IQCM: variants seen among roughly 807,000 people sequenced by gnomAD.
The protein encoded by IQCM is IQ motif containing M.
A neutral mutation model predicts 57.6 loss-of-function variants in IQCM; 45 were observed. The ratio of observed to expected loss-of-function variants is 0.78; its 90% confidence interval spans 0.62 to 1.00. IQCM has a LOEUF of 1.00. IQCM is among the 50% of genes least tolerant of loss of function. The probability of loss-of-function intolerance (pLI) is 0.00; values close to 1 mark genes in which losing one functional copy is unlikely to be tolerated. For missense variants in IQCM, 468 were observed against 511.6 expected (o/e 0.91, Z 0.82); for synonymous variants, 148 against 158.9 (o/e 0.93, Z 0.51).
Position 149,476,695 on chromosome 4 carries a change from A to G in IQCM, c.1229-43138T>C, listed in dbSNP as rs181242575. On this transcript the variant is annotated intron_variant, in intron 12 of 13. Transcript: ENST00000636793. ...CTGGATCCCATATATCTATCAGACT[A>G]GATTTAGTCTAAGCTCTAGGGGAAA... 2.6e-5 allele frequency among the ~76,000 whole-genome samples: 4 copies of G among 152,290 alleles called. No individual in the cohort carries two copies. In the East Asian group the frequency reaches 7.7e-4, roughly 29 times the overall value.
intron 12 of IQCM, among the ~76,000 whole-genome samples, chr4:149,457,819 A>C (rs1737857273): frequency 1.3e-5 from 2 of 152,216 alleles, no homozygotes; most frequent in African/African-American, 4.8e-5. Context: ...TTTTGGTAAT[A>C]AAGAAAAATA....
intron 13 of IQCM, among the ~76,000 whole-genome samples, chr4:149,421,395 A>C (rs900408593): frequency 2.0e-5 from 3 of 152,190 alleles, no homozygotes; most frequent in Middle Eastern, 3.4e-3. Flanking sequence ...TGAATGTATA[A>C]AAACAGATAT....
intron 13 of IQCM, among the ~76,000 whole-genome samples, chr4:149,393,512 G>T (rs906975010): frequency 6.6e-6 from 1 of 151,702 alleles, no homozygotes; most frequent in Non-Finnish European, 1.5e-5. Flanking sequence ...GAATTTTTAA[G>T]AACATAAAGA....
intron 13 of IQCM, among the ~76,000 whole-genome samples, chr4:149,423,229 G>A (rs187719645): frequency 5.3e-5 from 8 of 152,094 alleles, no homozygotes; most frequent in African/African-American, 1.4e-4. Flanking sequence ...ACTGGTGGAA[G>A]GGGAAGCAGG....
chr4:149,578,988 G>C (rs961555522), intron 9 of IQCM, among the ~76,000 whole-genome samples: 2 of 151,764 alleles, frequency 1.3e-5, no homozygotes, highest in Non-Finnish European at 2.9e-5. Flanking sequence ...CCATGAAAAA[G>C]CAATTGCATA....
intron 12 of IQCM, among the ~76,000 whole-genome samples, chr4:149,489,286 C>A (rs1741843078): frequency 6.6e-6 from 1 of 152,070 alleles, no homozygotes; most frequent in Non-Finnish European, 1.5e-5. Flanking sequence ...GTCTTCTCAG[C>A]AAGTACATTA....
intron 2 of IQCM, among the ~76,000 whole-genome samples, chr4:149,802,040 A>T (rs1561290283): frequency 6.6e-6 from 1 of 151,880 alleles, no homozygotes; most frequent in Admixed American, 6.6e-5. Context: ...GCCACAAAAA[A>T]TTAAAAGAAT....
At chr4:149,806,759 T>C (rs1324385821) in intron 2 of IQCM, among the ~76,000 whole-genome samples, 1 of 151,922 alleles carries the variant, frequency 6.6e-6, no homozygotes, top group African/African-American at 2.4e-5. Context: ...AACAAGCTTG[T>C]AAACAGAAAA....
chr4:149,727,664 T>C (rs1503751), intron 5 of IQCM, among the ~76,000 whole-genome samples: 34,400 of 151,934 alleles, frequency 0.23, 3,988 homozygotes, highest in East Asian at 0.29. Context: ...GAAACATTTA[T>C]CCACTGGCTC....
At chr4:149,813,296 G>A (rs1345900465) in intron 2 of IQCM, among the ~76,000 whole-genome samples, 1 of 152,046 alleles carries the variant, frequency 6.6e-6, no homozygotes, top group Non-Finnish European at 1.5e-5. Context: ...TGAATAGGGT[G>A]TTCTAGGGTA....
At chr4:149,800,363 C>T (rs1773494813) in intron 2 of IQCM, among the ~76,000 whole-genome samples, 1 of 151,768 alleles carries the variant, frequency 6.6e-6, no homozygotes, top group South Asian at 2.1e-4. Flanking sequence ...TAATAAAAGC[C>T]ATATATGACA....
intron 12 of IQCM, among the ~76,000 whole-genome samples, chr4:149,437,005 T>C (rs548017140): frequency 9.2e-5 from 14 of 152,260 alleles, no homozygotes; most frequent in African/African-American, 2.4e-4. Context: ...AATATTATCA[T>C]ACATCACAGC....
At chr4:149,809,473 A>T (rs1317487919) in intron 2 of IQCM, among the ~76,000 whole-genome samples, 2 of 152,160 alleles carry the variant, frequency 1.3e-5, no homozygotes, top group Non-Finnish European at 2.9e-5. Flanking sequence ...ATTTTAATTG[A>T]CTTAAAGATT....
chr4:149,375,875 G>A (rs920954241), intron 13 of IQCM, among the ~76,000 whole-genome samples: 3 of 151,994 alleles, frequency 2.0e-5, no homozygotes. Flanking sequence ...TCACTGATAA[G>A]GCCAGAAATG....
At chr4:149,784,736 C>T (rs936228127) in intron 2 of IQCM, among the ~76,000 whole-genome samples, 2 of 152,156 alleles carry the variant, frequency 1.3e-5, no homozygotes, top group African/African-American at 4.8e-5. Flanking sequence ...AATCTTATCC[C>T]CAACCAATAT....
At chr4:149,559,645 G>C (rs146560653) in intron 10 of IQCM, among the ~76,000 whole-genome samples, 8 of 152,060 alleles carry the variant, frequency 5.3e-5, no homozygotes, top group African/African-American at 1.7e-4. Flanking sequence ...TCACACACCA[G>C]GCAGGAAATT....
At chr4:149,364,267 G>A (rs1234393477) in intron 13 of IQCM, among the ~76,000 whole-genome samples, 2 of 152,102 alleles carry the variant, frequency 1.3e-5, no homozygotes, top group Non-Finnish European at 2.9e-5. Flanking sequence ...GAGTGCAGGG[G>A]TTTTATTGAA....
chr4:149,774,961 C>G (rs1446951557), intron 2 of IQCM, among the ~76,000 whole-genome samples: 2 of 143,652 alleles, frequency 1.4e-5, no homozygotes, highest in Non-Finnish European at 3.0e-5. Flanking sequence ...CATTATTGGA[C>G]AGGTTCATGA....
intron 7 of IQCM, among the ~76,000 whole-genome samples, chr4:149,632,829 C>A (rs1163450021): frequency 6.6e-6 from 1 of 152,152 alleles, no homozygotes; most frequent in Non-Finnish European, 1.5e-5. Context: ...AAGAGGCTCA[C>A]GAAGTCCAAG....
Sources: allele counts gnomAD v4.1 joint callset (sites outside exome capture counted in the v4.1 genomes callset), GRCh38; gene constraint gnomAD v4.1.1; transcripts MANE v1.5; gene names NCBI Gene and HGNC (gene_info 2026-07-23, HGNC 2026-07-21).